The following NOL4 variants were observed in gnomAD, a reference collection of about 807,000 sequenced individuals.
The protein encoded by NOL4 is cancer/testis antigen 125.
In NOL4, 17 loss-of-function variants were observed where a neutral mutation model predicts 75.9. The ratio of observed to expected loss-of-function variants is 0.22; its 90% confidence interval spans 0.15 to 0.34. NOL4 has a LOEUF of 0.34. Among genes scored for constraint, NOL4 ranks in the 10% least tolerant of loss-of-function variants. NOL4 has a pLI of 1.00. For missense variants in NOL4, 614 were observed against 793.5 expected, an observed-to-expected ratio of 0.77 and a Z score of 2.72; for synonymous variants, 292 against 289.9, an observed-to-expected ratio of 1.01 and a Z score of -0.07.
chr18:34,175,122 A>T (rs2033423200), intron 1 of NOL4, among the ~76,000 whole-genome samples: 1 of 152,186 alleles, frequency 6.6e-6, no homozygotes, highest in African/African-American at 2.4e-5. Context: ...TTGCGGCACT[A>T]TTCACAATGG....
chr18:33,852,369 T>A lies in NOL4; in HGVS notation c.*473A>T, dbSNP rs1266412932. The A allele has an allele frequency of 1.3e-5, 2 of 151,998 alleles. No individual in the cohort carries two copies. Among genetic ancestry groups the A allele is most frequent in the Non-Finnish European group, 1.5e-5 (1 of 67,948 alleles). 9.4% of individuals were successfully genotyped at this position (151,998 alleles called of 1,614,324 possible). ...TTTTTATAAAAATTACATATTTTTT[T>A]AAAATACGAGATCCTTTTCATTGTT... On this transcript the variant is annotated 3_prime_UTR_variant, in exon 11 of 11. Coordinates refer to ENST00000261592, the MANE Select transcript of NOL4 (RefSeq NM_003787.5).
chr18:34,116,643 C>T (rs899514062), intron 2 of NOL4, among the ~76,000 whole-genome samples: 3 of 152,094 alleles, frequency 2.0e-5, no homozygotes, highest in African/African-American at 7.2e-5. Flanking sequence ...ACCTTTCCAA[C>T]TTGGATCTGA....
At chr18:34,205,715 T>C (rs2036078119) in intron 1 of NOL4, among the ~76,000 whole-genome samples, 1 of 152,058 alleles carries the variant, frequency 6.6e-6, no homozygotes, top group South Asian at 2.1e-4. Flanking sequence ...TATAAGCAGT[T>C]GCCAAGGTGA....
intron 9 of NOL4, among the ~76,000 whole-genome samples, chr18:33,934,186 T>C (rs2145449671): frequency 6.6e-6 from 1 of 152,194 alleles, no homozygotes; most frequent in Middle Eastern, 3.4e-3. Context: ...GCCTCAACAG[T>C]GGGCTTAAAA....
chr18:34,019,278 GACCAACTCA>G, intron 6 of NOL4, 31 bp downstream of exon 6: 1 of 1,582,702 alleles, frequency 6.3e-7, no homozygotes, highest in Non-Finnish European at 8.6e-7. Flanking sequence ...TGACCTTCAT[GACCAACTCA>G]AAAATTCTGG....
chr18:33,884,995 A>G (rs1225984848), intron 9 of NOL4, among the ~76,000 whole-genome samples: 1 of 152,146 alleles, frequency 6.6e-6, no homozygotes, highest in Non-Finnish European at 1.5e-5. Flanking sequence ...CACATAATTT[A>G]TAGGCTTTCA....
chr18:33,951,912 G>A (rs1364924086), intron 8 of NOL4, among the ~76,000 whole-genome samples: 1 of 152,098 alleles, frequency 6.6e-6, no homozygotes, highest in African/African-American at 2.4e-5. Context: ...AAACTAAAAT[G>A]CATGTATCCT....
At chr18:33,889,351 C>T (rs754982475) in intron 9 of NOL4, among the ~76,000 whole-genome samples, 1 of 152,064 alleles carries the variant, frequency 6.6e-6, no homozygotes, top group Non-Finnish European at 1.5e-5. Flanking sequence ...ACAGCAATAA[C>T]AGGTTCTGAA....
At chr18:34,138,952 T>C (rs1219852409) in intron 1 of NOL4, among the ~76,000 whole-genome samples, 1 of 152,206 alleles carries the variant, frequency 6.6e-6, no homozygotes, top group Non-Finnish European at 1.5e-5. Flanking sequence ...CTTTTGTCTT[T>C]GGTTCTGTTT....
intron 9 of NOL4, among the ~76,000 whole-genome samples, chr18:33,897,992 C>A (rs140197795): frequency 2.7e-4 from 41 of 152,220 alleles, no homozygotes; most frequent in African/African-American, 8.9e-4. Flanking sequence ...CAACTCACTG[C>A]AGCCTTGACT....
chr18:33,864,680 A>C (rs190605994), intron 10 of NOL4, among the ~76,000 whole-genome samples: 128 of 152,262 alleles, frequency 8.4e-4, no homozygotes, highest in African/African-American at 3.0e-3. Context: ...TCTTTATAGC[A>C]GTTTCCCCCT....
chr18:34,042,719 A>G (rs2144823395), intron 5 of NOL4, among the ~76,000 whole-genome samples: 1 of 152,160 alleles, frequency 6.6e-6, no homozygotes, highest in East Asian at 1.9e-4. Context: ...AATTCCATGA[A>G]CTAGTTATCT....
chr18:34,068,143 A>G (rs1184421624), intron 5 of NOL4, among the ~76,000 whole-genome samples: 1 of 152,182 alleles, frequency 6.6e-6, no homozygotes, highest in Non-Finnish European at 1.5e-5. Flanking sequence ...AGTGGGCATT[A>G]ATGTGCATGA....
chr18:34,140,070 A>C (rs1208996057), intron 1 of NOL4, among the ~76,000 whole-genome samples: 1 of 152,116 alleles, frequency 6.6e-6, no homozygotes, highest in Non-Finnish European at 1.5e-5. Flanking sequence ...CTGTTCTTTT[A>C]CATTTGCTGA....
chr18:34,046,526 G>C (rs2076370497), intron 5 of NOL4, among the ~76,000 whole-genome samples: 1 of 147,376 alleles, frequency 6.8e-6, no homozygotes, highest in African/African-American at 2.5e-5. Context: ...AACTGGTTAG[G>C]AATACCTATT....
intron 10 of NOL4, among the ~76,000 whole-genome samples, chr18:33,874,238 G>A (rs950883938): frequency 2.0e-5 from 3 of 151,828 alleles, no homozygotes; most frequent in African/African-American, 7.2e-5. Context: ...CAAGCATGAA[G>A]GGGCATGAGT....
At chr18:33,963,900 T>C (rs1292691544) in intron 6 of NOL4, among the ~76,000 whole-genome samples, 1 of 152,174 alleles carries the variant, frequency 6.6e-6, no homozygotes, top group Non-Finnish European at 1.5e-5. Flanking sequence ...ACCACAGTGC[T>C]TGGTGTTAGA....
intron 10 of NOL4, among the ~76,000 whole-genome samples, chr18:33,868,211 AT>A (rs74341988): frequency 0.17 from 24,612 of 141,182 alleles, 2,102 homozygotes; most frequent in Non-Finnish European, 0.2. Context: ...CACCTGGGTA[AT>A]TTTTTTTTTT....
Position 34,130,021 on chromosome 18 carries a change from C to A in NOL4, c.265-1G>T. The A allele has an allele frequency of 6.5e-7, 1 of 1,541,406 alleles. No homozygotes were observed. Among genetic ancestry groups the A allele is most frequent in the Non-Finnish European group, 8.7e-7 (1 of 1,145,712 alleles). ...GCTTCTCATCTACCCCTACGCCATC[C>A]TGGAAACAAAACAACAACAACAAAA... On this transcript the variant is annotated splice_acceptor_variant, in intron 1 of 10. Transcript: ENST00000261592. LOFTEE classifies it high-confidence loss of function.
Sources: gnomAD v4.1 joint callset for allele counts (sites outside exome capture counted in the v4.1 genomes callset) on GRCh38, gnomAD v4.1.1 for gene constraint, MANE v1.5 for transcripts, NCBI Gene and HGNC (gene_info 2026-07-23, HGNC 2026-07-21) for gene names.